Variants in CNTN4 observed in about 807,000 individuals in gnomAD.
The protein encoded by CNTN4 is contactin 4, also known as contactin-4.
Under a neutral mutation model 122.5 loss-of-function variants are expected in CNTN4, and 77 were observed. The observed-to-expected ratio is 0.63, with a 90% CI of 0.52 to 0.76. The LOEUF is 0.76. CNTN4 is among the 30% of genes least tolerant of loss of function. CNTN4 has a pLI of 0.00. For missense variants in CNTN4, 1,256 were observed against 1,259.1 expected (o/e 1.00, Z 0.04); for synonymous variants, 512 against 447.0 (o/e 1.15, Z -1.83).
intron 2 of CNTN4, among the ~76,000 whole-genome samples, chr3:2,122,133 C>A (rs150033610): frequency 2.0e-5 from 3 of 146,630 alleles, no homozygotes; most frequent in East Asian, 2.0e-4. Context: ...CCAGCCTGGG[C>A]GACAGAGCGA....
intron 2 of CNTN4, among the ~76,000 whole-genome samples, chr3:2,249,924 T>C (rs2040310526): frequency 6.6e-6 from 1 of 151,880 alleles, no homozygotes; most frequent in Non-Finnish European, 1.5e-5. Context: ...TTGAATACTT[T>C]TCATTTCCTG....
intron 14 of CNTN4, among the ~76,000 whole-genome samples, chr3:3,003,334 A>G (rs1696234489): frequency 6.6e-6 from 1 of 152,156 alleles, no homozygotes; most frequent in Admixed American, 6.5e-5. Flanking sequence ...AGTGAAATCA[A>G]CCCAAATGCC....
intron 2 of CNTN4, among the ~76,000 whole-genome samples, chr3:2,188,196 C>G (rs1163672112): frequency 1.3e-5 from 2 of 152,066 alleles, no homozygotes; most frequent in South Asian, 4.1e-4. Flanking sequence ...ACTTGAGATC[C>G]TTGTTCCTCT....
chr3:2,805,126 G>A (rs1029926803), intron 6 of CNTN4, among the ~76,000 whole-genome samples: 4 of 151,972 alleles, frequency 2.6e-5, no homozygotes, highest in Admixed American at 6.6e-5. Flanking sequence ...GCAGTGAGCC[G>A]AGACCGCACC....
chr3:2,760,957 A>G (rs1206853697), intron 6 of CNTN4, among the ~76,000 whole-genome samples: 1 of 152,212 alleles, frequency 6.6e-6, no homozygotes, highest in African/African-American at 2.4e-5. Flanking sequence ...ATCTAAATCC[A>G]TAGAGAAGAA....
intron 4 of CNTN4, among the ~76,000 whole-genome samples, chr3:2,592,156 G>A (rs1397679399): frequency 6.6e-6 from 1 of 152,066 alleles, no homozygotes; most frequent in Non-Finnish European, 1.5e-5. Flanking sequence ...GTTGGACTTA[G>A]AGGCATGAGC....
intron 6 of CNTN4, among the ~76,000 whole-genome samples, chr3:2,791,684 A>G (rs756602390): frequency 6.6e-6 from 1 of 152,212 alleles, no homozygotes; most frequent in Non-Finnish European, 1.5e-5. Context: ...GACTTGAAAC[A>G]AAAGAAATGT....
intron 3 of CNTN4, chr3:2,362,538 G>A (rs1459792179): frequency 1.7e-6 from 1 of 602,450 alleles, no homozygotes; most frequent in Non-Finnish European, 3.1e-6. Context: ...TTCCTAAGAA[G>A]CCCATTCCTC....
intron 14 of CNTN4, among the ~76,000 whole-genome samples, chr3:3,019,765 AATATATATATAT>A (rs67229453): frequency 0.026 from 3,524 of 137,926 alleles, 119 homozygotes; most frequent in African/African-American, 0.075. Flanking sequence ...TGTGTACACA[AATATATATATAT>A]ATATATATAT....
intron 13 of CNTN4, among the ~76,000 whole-genome samples, chr3:2,926,520 A>G (rs1040059137): frequency 6.6e-6 from 1 of 152,126 alleles, no homozygotes; most frequent in Non-Finnish European, 1.5e-5. Flanking sequence ...TAATCTACTT[A>G]ATCTGTTGCA....
chr3:2,996,969 G>T (rs150124605), intron 14 of CNTN4, among the ~76,000 whole-genome samples: 4 of 151,950 alleles, frequency 2.6e-5, no homozygotes, highest in African/African-American at 9.7e-5. Context: ...TCTTTTTCTC[G>T]TGCATATCTT....
At chr3:2,279,726 T>C (rs1460621244) in intron 2 of CNTN4, among the ~76,000 whole-genome samples, 1 of 151,924 alleles carries the variant, frequency 6.6e-6, no homozygotes, top group Non-Finnish European at 1.5e-5. Context: ...AAAATATCTT[T>C]AGACAGAATT....
chr3:2,281,612 A>G (rs2149899721), intron 2 of CNTN4, among the ~76,000 whole-genome samples: 1 of 151,542 alleles, frequency 6.6e-6, no homozygotes, highest in African/African-American at 2.4e-5. Context: ...ACCAACTGAT[A>G]CGTTTTTACT....
chr3:3,035,663 C>A (rs1418882918), intron 17 of CNTN4, among the ~76,000 whole-genome samples: 1 of 152,146 alleles, frequency 6.6e-6, no homozygotes, highest in Non-Finnish European at 1.5e-5. Context: ...CTCAAGCAAT[C>A]TTCCCACCTC....
At chr3:2,513,162 G>T (rs1431159569) in intron 3 of CNTN4, among the ~76,000 whole-genome samples, 1 of 152,158 alleles carries the variant, frequency 6.6e-6, no homozygotes, top group Non-Finnish European at 1.5e-5. Flanking sequence ...TGTGCAAAAA[G>T]GCCTGCTAAT....
intron 18 of CNTN4, among the ~76,000 whole-genome samples, chr3:3,038,442 G>A (rs1015445954): frequency 2.0e-5 from 3 of 152,086 alleles, no homozygotes; most frequent in South Asian, 4.2e-4. Context: ...GCGCTACTCC[G>A]GAACGCCCCC....
At chr3:2,109,871 T>C (rs1250579566) in intron 2 of CNTN4, among the ~76,000 whole-genome samples, 2 of 152,214 alleles carry the variant, frequency 1.3e-5, no homozygotes, top group African/African-American at 4.8e-5. Flanking sequence ...TTATTTTTAG[T>C]GTATTTAATT....
At chr3:2,362,510 C>T in intron 3 of CNTN4, 1 of 568,990 alleles carries the variant, frequency 1.8e-6, no homozygotes, top group Middle Eastern at 3.1e-4. Context: ...CCATAGGCTC[C>T]TGTGCACTTT....
chr3:2,211,266 G>C (rs1335664927), intron 2 of CNTN4, among the ~76,000 whole-genome samples: 2 of 152,050 alleles, frequency 1.3e-5, no homozygotes, highest in Non-Finnish European at 2.9e-5. Flanking sequence ...AAAGACAACA[G>C]CAAGCCATGA....
Sources: allele counts gnomAD v4.1 joint callset (sites outside exome capture counted in the v4.1 genomes callset), GRCh38; gene constraint gnomAD v4.1.1; transcripts MANE v1.5; gene names NCBI Gene and HGNC (gene_info 2026-07-23, HGNC 2026-07-21).